The following P4HA3 variants were observed in gnomAD, a reference collection of about 807,000 sequenced individuals.
P4HA3 encodes prolyl 4-hydroxylase subunit alpha 3.
P4HA3 carries 60 observed loss-of-function variants against 66.7 expected under a neutral mutation model. The ratio of observed to expected loss-of-function variants is 0.90; its 90% CI spans 0.73 to 1.12. P4HA3 has a LOEUF of 1.12. Ranked by LOEUF, P4HA3 falls within the 50% of genes most tolerant of loss-of-function variation. The pLI is 0.00. For synonymous variants in P4HA3, 263 were observed against 274.6 expected, an observed-to-expected ratio of 0.96 and a Z score of 0.42; for missense variants, 683 against 685.8, an observed-to-expected ratio of 1.00 and a Z score of 0.05.
intron 15 of P4HA3, among the ~76,000 whole-genome samples, chr11:74,254,935 G>A (rs1859796164): frequency 6.6e-6 from 1 of 152,126 alleles, no homozygotes; most frequent in Admixed American, 6.5e-5. Context: ...TATCGGCTGT[G>A]TCGACTTTGG....
At chr11:74,291,480 A>G (rs1288608995) in intron 4 of P4HA3, among the ~76,000 whole-genome samples, 6 of 152,160 alleles carry the variant, frequency 3.9e-5, no homozygotes, top group African/African-American at 1.4e-4. Context: ...TTCCAACACT[A>G]TGTTGAATAG....
At chr11:74,281,869 T>TATAATAATAATAATAATAATA (rs57363098) in intron 7 of P4HA3, among the ~76,000 whole-genome samples, 108 of 144,518 alleles carry the variant, frequency 7.5e-4, no homozygotes, top group African/African-American at 1.7e-3. Context: ...AAACTTAAAG[T>TATAATAATAATAATAATAATA]ATAATAATAA....
chr11:74,304,789 A>G (rs1861527699), intron 1 of P4HA3, among the ~76,000 whole-genome samples: 1 of 152,184 alleles, frequency 6.6e-6, no homozygotes, highest in African/African-American at 2.4e-5. Flanking sequence ...CTATTGAATT[A>G]ATTATAACCA....
intron 15 of P4HA3, chr11:74,251,225 ACT>A (rs1859650903): frequency 1.4e-6 from 2 of 1,400,984 alleles, no homozygotes; most frequent in Non-Finnish European, 1.9e-6. Context: ...AGCTACTGAC[ACT>A]CTGCTATTTC....
chr11:74,263,088 C>T (rs1282644889), downstream of P4HA3, among the ~76,000 whole-genome samples: 3 of 152,270 alleles, frequency 2.0e-5, no homozygotes, highest in East Asian at 5.8e-4. Context: ...TCTCTCCAAG[C>T]TCCCACAATC....
At position 74,266,992 on chromosome 11, in the gene P4HA3, C is replaced by A; in HGVS notation, c.*256G>T. The stretch of plus-strand genomic sequence containing the variant: ...AGAGTATCTGAACTCCAGAAACTTC[C>A]CTCTCAGGCCTCCACTCCCCCCTCC... On this transcript the variant is annotated 3_prime_UTR_variant, in exon 13 of 13. Transcript: ENST00000331597. The A allele has an allele frequency of 1.4e-6, 2 of 1,476,038 alleles. No homozygotes were observed. The highest frequency in any genetic ancestry group is 1.3e-5 in the South Asian group (1 of 75,024). 91.4% of individuals were successfully genotyped at this position (1,476,038 alleles called of 1,614,324 possible). A position where few individuals can be genotyped will look rare whatever the true frequency, so the allele number is the denominator to read the frequency against.
At chr11:74,293,390 C>G (rs1861102184) in intron 4 of P4HA3, among the ~76,000 whole-genome samples, 1 of 152,278 alleles carries the variant, frequency 6.6e-6, no homozygotes, top group East Asian at 1.9e-4. Context: ...TGGGTCATGA[C>G]TCTTTATCCA....
chr11:74,311,398 C>T lies in P4HA3; in HGVS notation c.200+14G>A. On this transcript the variant is annotated intron_variant, in intron 1 of 12. Transcript: ENST00000331597. Reference sequence around the variant, plus strand: ...CTGAGGCCCCTCGGTCGCTCCCACTCGTCGTGCCCTCACCTAGTCAGGTCC... The same window carrying T: ...CTGAGGCCCCTCGGTCGCTCCCACTTGTCGTGCCCTCACCTAGTCAGGTCC... 6.7e-7 allele frequency: 1 copy of T among 1,491,962 alleles called. No individual in the cohort carries two copies. Among genetic ancestry groups the T allele is most frequent in the East Asian group, 2.7e-5 (1 of 37,646 alleles). The allele number at this position is 1,491,962 out of a possible 1,614,324, so 92.4% of individuals were successfully genotyped here. A position where few individuals can be genotyped will look rare whatever the true frequency, so the allele number is the denominator to read the frequency against.
At chr11:74,307,108 C>T (rs189307194) in intron 1 of P4HA3, among the ~76,000 whole-genome samples, 2 of 152,306 alleles carry the variant, frequency 1.3e-5, no homozygotes, top group Admixed American at 1.3e-4. Context: ...TTTTATAAGA[C>T]AGCTGGATAG....
chr11:74,286,565 T>C (rs1045059664), intron 5 of P4HA3, among the ~76,000 whole-genome samples, 174 bp from the exon 6 acceptor site: 1 of 152,166 alleles, frequency 6.6e-6, no homozygotes, highest in Non-Finnish European at 1.5e-5. Context: ...CCCAGAAGAC[T>C]ACCTGGTATT....
rs776760276 is a variant in P4HA3, at chr11:74,267,095, C to T, written c.*153G>A. ...CATTCTCAGTGTCCCCTGGTAACAA[C>T]CTCTCCCTTGCCTCTGATTTGCGAG... On this transcript the variant is annotated 3_prime_UTR_variant, in exon 13 of 13. Transcript: ENST00000331597. The T allele has an allele frequency of 1.7e-5, 26 of 1,539,968 alleles. No homozygotes were observed. The highest frequency in any genetic ancestry group is 2.3e-5 in the Non-Finnish European group (26 of 1,147,880).
chr11:74,281,384 A>C (rs912553428), intron 7 of P4HA3, among the ~76,000 whole-genome samples: 2 of 152,232 alleles, frequency 1.3e-5, no homozygotes, highest in African/African-American at 4.8e-5. Context: ...GTATATACCC[A>C]AAGGACTACA....
chr11:74,289,145 A>AG lies in P4HA3; in HGVS notation c.718-16_718-15insC. On this transcript the variant is annotated splice_polypyrimidine_tract_variant and intron_variant, in intron 4 of 12. Coordinates refer to ENST00000331597, the MANE Select transcript of P4HA3 (RefSeq NM_182904.5). ...ACATTTCCTGCCTGTTAAAAAAAAA[A>AG]AAAAGAAAAGAAAGCATTAACTTCA... 6.4e-7 allele frequency: 1 copy of AG among 1,570,118 alleles called. No homozygotes were observed. Among genetic ancestry groups the AG allele is most frequent in the South Asian group, 1.2e-5 (1 of 83,318 alleles).
downstream of P4HA3, among the ~76,000 whole-genome samples, chr11:74,265,258 A>C (rs75494556): frequency 4.1e-3 from 621 of 152,280 alleles, 10 homozygotes; most frequent in Middle Eastern, 6.8e-3. Context: ...TGGAGGAGGC[A>C]GGTTGTGAGT....
At chr11:74,294,317 T>C (rs1028372472) in intron 4 of P4HA3, among the ~76,000 whole-genome samples, 2 of 152,206 alleles carry the variant, frequency 1.3e-5, no homozygotes, top group Admixed American at 6.5e-5. Flanking sequence ...TAAGGACTTC[T>C]CTGCATTGGT....
At chr11:74,303,874 C>T (rs898904577) in intron 2 of P4HA3, among the ~76,000 whole-genome samples, 11 of 152,106 alleles carry the variant, frequency 7.2e-5, no homozygotes, top group South Asian at 2.1e-4. Flanking sequence ...TGAGCCACCG[C>T]GCCTGGCCGT....
Position 74,307,614 on chromosome 11 carries a change from G to A in P4HA3, c.201-3202C>T, listed in dbSNP as rs532340948. Among the ~76,000 whole-genome samples, 78 of 152,258 alleles carry A rather than the reference G, an allele frequency of 5.1e-4. 1 individual carries two copies. Among genetic ancestry groups the A allele is most frequent in the African/African-American group, 1.8e-3 (74 of 41,552 alleles). On this transcript the variant is annotated intron_variant, in intron 1 of 12. Coordinates refer to ENST00000331597, the MANE Select transcript of P4HA3 (RefSeq NM_182904.5). ...TATGCCCAGCCTCTGAGCACATAGC[G>A]GTTTCCAGAGACTGGAAACTGAGTT...
chr11:74,304,405 C>T lies in P4HA3; in HGVS notation c.208G>A (p.Asp70Asn), dbSNP rs771301612. 2.4e-5 allele frequency: 39 copies of T among 1,613,844 alleles called. No homozygotes were observed. Among genetic ancestry groups the T allele is most frequent in the Middle Eastern group, 3.3e-4 (2 of 6,084 alleles). Reference sequence around the variant, plus strand: ...TCCTCATGCAAAGAAAGTACCTTGTCGTAGAATCTGAAAGAAAGGAGTAGA... The same window carrying T: ...TCCTCATGCAAAGAAAGTACCTTGTTGTAGAATCTGAAAGAAAGGAGTAGA... ...ARLRDLTRFY[D>N]KVLSLHEDST... Residue 70 changes from aspartate to asparagine, a missense_variant, in exon 2 of 13, where the codon GAC becomes AAC. Coordinates refer to ENST00000331597, the MANE Select transcript of P4HA3 (RefSeq NM_182904.5).
chr11:74,261,188 G>T (rs371016987), intron 14 of P4HA3, among the ~76,000 whole-genome samples: 9 of 152,220 alleles, frequency 5.9e-5, no homozygotes, highest in African/African-American at 2.2e-4. Context: ...GTGGAGATGG[G>T]ATGTGAGGGG....
Sources: gnomAD v4.1 joint callset for allele counts (sites outside exome capture counted in the v4.1 genomes callset) on GRCh38, gnomAD v4.1.1 for gene constraint, MANE v1.5 for transcripts, NCBI Gene and HGNC (gene_info 2026-07-23, HGNC 2026-07-21) for gene names.